Variants in PAX5 observed in about 807,000 individuals in gnomAD.
PAX5 encodes the protein paired box protein Pax-5.
Under a neutral mutation model 43.7 loss-of-function variants are expected in PAX5, and 9 were observed. The observed-to-expected ratio is 0.21, with a 90% CI of 0.12 to 0.36. The LOEUF is 0.36. Among genes scored for constraint, PAX5 ranks in the 10% least tolerant of loss-of-function variants. The pLI is 1.00. For missense variants in PAX5, 383 were observed against 532.7 expected (o/e 0.72, Z 2.77); for synonymous variants, 228 against 214.3 (o/e 1.06, Z -0.56).
At chr9:36,861,734 G>T (rs1824236957) in intron 8 of PAX5, among the ~76,000 whole-genome samples, 1 of 151,936 alleles carries the variant, frequency 6.6e-6, no homozygotes. Context: ...CCAGGGTGGG[G>T]AGAGGGGAGA....
In PAX5 at chr9:36,993,710, G is replaced by C. The variant is rs142954836; in HGVS notation, c.604+8938C>G. 7.1e-3 allele frequency among the ~76,000 whole-genome samples: 1,074 copies of C among 152,312 alleles called. 19 individuals carry two copies. The highest frequency in any genetic ancestry group is 0.024 in the African/African-American group (1,016 of 41,552). On this transcript the variant is annotated intron_variant, in intron 5 of 9. Coordinates refer to ENST00000358127, the MANE Select transcript of PAX5 (RefSeq NM_016734.3). ...ATGGGGCAGCAGGGCATGCAGGGTG[G>C]AGAAAGCCAAGGCCATTTCACCTCA...
In PAX5 at chr9:37,034,102, T is replaced by TTC; in HGVS notation, c.-72_-71insGA. On this transcript the variant is annotated 5_prime_UTR_variant, in exon 1 of 10. Coordinates refer to ENST00000358127, the MANE Select transcript of PAX5 (RefSeq NM_016734.3). ...CTTTTTTGTGCCTTTTTTTTTCTTT[T>TTC]TTTTTTTTTTTTTTTTTTTTTTTTG... is the stretch of plus-strand genomic sequence containing the variant. The TTC allele has an allele frequency of 2.5e-6, 1 of 396,654 alleles. No homozygotes were observed. The highest frequency in any genetic ancestry group is 4.1e-6 in the Non-Finnish European group (1 of 241,454). 24.6% of individuals were successfully genotyped at this position (396,654 alleles called of 1,614,324 possible).
chr9:36,840,770 T>A (rs1239698515), intron 9 of PAX5, 134 bp from the exon 10 acceptor site: 2 of 607,724 alleles, frequency 3.3e-6, no homozygotes, highest in Non-Finnish European at 5.7e-6. Flanking sequence ...TGTCCCAGTC[T>A]GTTCCCCAGA....
intron 1 of PAX5, chr9:37,026,728 T>G (rs1453168976): frequency 2.0e-6 from 2 of 985,236 alleles, no homozygotes; most frequent in East Asian, 2.3e-4. Flanking sequence ...TCTCAGAGCC[T>G]CCCTGCTGGA....
chr9:36,944,017 C>T (rs2132073976), intron 6 of PAX5, among the ~76,000 whole-genome samples: 1 of 152,112 alleles, frequency 6.6e-6, no homozygotes, highest in East Asian at 1.9e-4. Flanking sequence ...AAGACTCCAT[C>T]CCTACAAAAA....
rs977203047 is a variant in PAX5, at chr9:36,838,241, C to G, written c.*2319G>C. ...GAGCTCGCTGGGCTCCATCCCTGGC[C>G]TGGGTGACCAGGCTTCCTTGGCAGT... On this transcript the variant is annotated 3_prime_UTR_variant, in exon 10 of 10. Coordinates refer to ENST00000358127, the MANE Select transcript of PAX5 (RefSeq NM_016734.3). The G allele has an allele frequency of 8.6e-6, 2 of 232,992 alleles. No homozygotes were observed. The highest frequency in any genetic ancestry group is 1.7e-5 in the Non-Finnish European group (2 of 117,970). 14.4% of individuals were successfully genotyped at this position (232,992 alleles called of 1,614,324 possible).
chr9:36,902,154 T>A (rs1828458869), intron 7 of PAX5, among the ~76,000 whole-genome samples: 1 of 152,074 alleles, frequency 6.6e-6, no homozygotes, highest in African/African-American at 2.4e-5. Context: ...AGAAAATCCA[T>A]AAAGGCTCGG....
chr9:37,025,278 C>G (rs1365093789), intron 1 of PAX5, among the ~76,000 whole-genome samples: 1 of 152,220 alleles, frequency 6.6e-6, no homozygotes, highest in African/African-American at 2.4e-5. Flanking sequence ...CAAGCTTTCC[C>G]CTGCTTGCCA....
At chr9:36,888,847 C>T (rs567597635) in intron 7 of PAX5, among the ~76,000 whole-genome samples, 2 of 152,310 alleles carry the variant, frequency 1.3e-5, no homozygotes, top group South Asian at 4.1e-4. Context: ...ACAGGCTCCC[C>T]CGTTGCCTCC....
chr9:36,994,011 C>T (rs1431857705), intron 5 of PAX5, among the ~76,000 whole-genome samples: 2 of 152,188 alleles, frequency 1.3e-5, no homozygotes, highest in South Asian at 2.1e-4. Flanking sequence ...GGCGTTGGCT[C>T]TCACGGGGGC....
intron 5 of PAX5, among the ~76,000 whole-genome samples, chr9:36,980,630 C>T (rs757800900): frequency 1.3e-5 from 2 of 152,170 alleles, no homozygotes; most frequent in Non-Finnish European, 2.9e-5. Context: ...GAGGGTCATA[C>T]AGTCTAATCT....
intron 7 of PAX5, among the ~76,000 whole-genome samples, chr9:36,897,036 G>C (rs1395780122): frequency 6.6e-6 from 1 of 152,224 alleles, no homozygotes; most frequent in East Asian, 1.9e-4. Context: ...GCCTCAGTGT[G>C]TAGGGTTCCT....
chr9:36,889,758 T>C (rs1827209618), intron 7 of PAX5, among the ~76,000 whole-genome samples: 1 of 152,230 alleles, frequency 6.6e-6, no homozygotes, highest in African/African-American at 2.4e-5. Flanking sequence ...ATTAATCATA[T>C]GACATTGGGT....
intron 5 of PAX5, among the ~76,000 whole-genome samples, chr9:36,977,401 G>C (rs968508126): frequency 6.6e-6 from 1 of 152,110 alleles, no homozygotes; most frequent in South Asian, 2.1e-4. Flanking sequence ...CAAGCAGTCT[G>C]GTTCCAGAGT....
intron 7 of PAX5, among the ~76,000 whole-genome samples, chr9:36,918,777 G>A (rs920716737): frequency 4.6e-5 from 7 of 152,228 alleles, no homozygotes; most frequent in Non-Finnish European, 1.5e-5. Flanking sequence ...AAGTAAGGAA[G>A]CTGCAGAAGA....
chr9:36,913,427 C>A (rs146094838), intron 7 of PAX5, among the ~76,000 whole-genome samples: 39 of 152,354 alleles, frequency 2.6e-4, no homozygotes, highest in African/African-American at 8.4e-4. Context: ...CCAGCTAAGT[C>A]CTTCACCAGT....
At chr9:37,026,437 C>G in intron 1 of PAX5, 1 of 1,074,494 alleles carries the variant, frequency 9.3e-7, no homozygotes, top group Non-Finnish European at 1.3e-6. Context: ...TGCAGAGGTC[C>G]GAGATCCTTC....
chr9:36,880,384 A>G (rs570198115), intron 8 of PAX5, among the ~76,000 whole-genome samples: 71 of 152,252 alleles, frequency 4.7e-4, no homozygotes, highest in African/African-American at 1.6e-3. Context: ...GGCCCGGGGG[A>G]AGAGACTTGG....
chr9:36,860,205 C>G (rs180954387), intron 8 of PAX5, among the ~76,000 whole-genome samples: 1,524 of 150,536 alleles, frequency 0.01, 25 homozygotes, highest in African/African-American at 0.035. Context: ...GGCGTGGTGG[C>G]ACATGCCTGT....
Sources: allele counts gnomAD v4.1 joint callset (sites outside exome capture counted in the v4.1 genomes callset), GRCh38; gene constraint gnomAD v4.1.1; transcripts MANE v1.5; gene names NCBI Gene and HGNC (gene_info 2026-07-23, HGNC 2026-07-21).